The following VWA3A variants were observed in gnomAD, a reference collection of about 807,000 sequenced individuals.
VWA3A encodes the protein von Willebrand factor A domain-containing protein 3A.
VWA3A carries 134 observed loss-of-function variants against 160.4 expected under a neutral mutation model. That is an observed-to-expected ratio of 0.84 (90% CI 0.73 to 0.96). The LOEUF is 0.96. Ranked by LOEUF, VWA3A falls within the 40% of genes least tolerant of loss-of-function variation. The pLI is 0.00. For missense variants in VWA3A, 1,310 were observed against 1,447.9 expected (o/e 0.90, Z 1.55); for synonymous variants, 476 against 543.4 (o/e 0.88, Z 1.72).
At chr16:22,115,646 A>G (rs2045618409) in intron 9 of VWA3A, among the ~76,000 whole-genome samples, 174 bp downstream of exon 9, 1 of 151,120 alleles carries the variant, frequency 6.6e-6, no homozygotes, top group Non-Finnish European at 1.5e-5. Flanking sequence ...AGTCTGGGCA[A>G]CACAGTGAGA....
At chr16:22,144,517 C>T in intron 26 of VWA3A, 133 bp downstream of exon 26, 7 of 1,311,948 alleles carry the variant, frequency 5.3e-6, no homozygotes, top group Non-Finnish European at 7.2e-6. Context: ...TGGGACTCCC[C>T]TCACCAAATA....
In VWA3A at chr16:22,142,660, T is replaced by C; in HGVS notation, c.2495-8T>C. The C allele has an allele frequency of 5.1e-6, 8 of 1,557,172 alleles. No individual in the cohort carries two copies. Among genetic ancestry groups the C allele is most frequent in the Non-Finnish European group, 7.0e-6 (8 of 1,149,190 alleles). On this transcript the variant is annotated splice_region_variant and splice_polypyrimidine_tract_variant and intron_variant, in intron 24 of 33. Transcript: ENST00000389398. ...ACTATAGCAATGACCTCACTCTGCT[T>C]CTTCTAGGCTCAGTGTACAAGAAGT...
intron 21 of VWA3A, among the ~76,000 whole-genome samples, chr16:22,135,602 C>T (rs2046025781): frequency 6.6e-6 from 1 of 151,982 alleles, no homozygotes; most frequent in Non-Finnish European, 1.5e-5. Context: ...TGAGTGTCTC[C>T]TAGAAGCCAT....
chr16:22,151,578 A>G (rs1658712627), intron 30 of VWA3A, among the ~76,000 whole-genome samples: 1 of 152,140 alleles, frequency 6.6e-6, no homozygotes, highest in Non-Finnish European at 1.5e-5. Context: ...ATCACTATAG[A>G]CCATGTGCTA....
At chr16:22,110,702 C>A (rs984104700) in intron 7 of VWA3A, among the ~76,000 whole-genome samples, 186 bp from the exon 8 acceptor site, 1 of 152,228 alleles carries the variant, frequency 6.6e-6, no homozygotes, top group African/African-American at 2.4e-5. Flanking sequence ...GCTCATCCCA[C>A]CCACAGGAGG....
At chr16:22,124,061 G>A (rs1295961194) in intron 16 of VWA3A, among the ~76,000 whole-genome samples, 1 of 151,866 alleles carries the variant, frequency 6.6e-6, no homozygotes. Flanking sequence ...TGTAGTCCCA[G>A]CCACTTAGGA....
At chr16:22,127,821 G>A (rs2045877601) in intron 17 of VWA3A, among the ~76,000 whole-genome samples, 2 of 152,204 alleles carry the variant, frequency 1.3e-5, no homozygotes, top group African/African-American at 2.4e-5. Context: ...GGATGTTAAG[G>A]AGTGCTGTTA....
At position 22,131,188 on chromosome 16, in the gene VWA3A, C is replaced by A. The variant is rs1040266536; in HGVS notation, c.1653-17C>A. On this transcript the variant is annotated splice_polypyrimidine_tract_variant and intron_variant, in intron 17 of 33. Transcript: ENST00000389398. Reference sequence around the variant, plus strand: ...ACCTCCCCCAGCCTAAGAACGAACTCTCTTTGCTTCTTAAAGGTTTGGAAG... The same window carrying A: ...ACCTCCCCCAGCCTAAGAACGAACTATCTTTGCTTCTTAAAGGTTTGGAAG... The A allele has an allele frequency of 2.5e-6, 4 of 1,612,958 alleles. No individual in the cohort carries two copies. Among genetic ancestry groups the A allele is most frequent in the Non-Finnish European group, 3.4e-6 (4 of 1,179,444 alleles).
intron 21 of VWA3A, among the ~76,000 whole-genome samples, chr16:22,135,805 T>A (rs373615800): frequency 1.3e-5 from 2 of 152,162 alleles, no homozygotes; most frequent in African/African-American, 4.8e-5. Flanking sequence ...TGGGGGTTTT[T>A]TTGAGACAGA....
At chr16:22,142,569 C>A (rs1305294100) in intron 24 of VWA3A, 99 bp from the exon 25 acceptor site, 1 of 856,656 alleles carries the variant, frequency 1.2e-6, no homozygotes, top group Non-Finnish European at 1.9e-6. Context: ...AAACACCTCC[C>A]ATTAAGCCCC....
rs548905049 is a variant in VWA3A at position 22,121,030 on chromosome 16, C to T, written c.1179C>T (p.Asp393=). The part of the protein sequence containing the change: ...ISLLPKPPKH[D]APLTIEFPNL... Reference sequence around the variant, plus strand: ...TCTTGCCTAAACCCCCAAAGCATGACGCTCCTCTCACCATTGAGTTTCCAA... The same window carrying T: ...TCTTGCCTAAACCCCCAAAGCATGATGCTCCTCTCACCATTGAGTTTCCAA... Residue 393 remains aspartate (D), a synonymous_variant, in exon 13 of 34, where the codon GAC becomes GAT. Transcript: ENST00000389398. 37 of 1,613,988 alleles carry T rather than the reference C, an allele frequency of 2.3e-5. No individual in the cohort carries two copies. The highest frequency in any genetic ancestry group is 1.6e-4 in the Middle Eastern group (1 of 6,062).
rs372720849 is a variant in VWA3A, at chr16:22,140,253, C to T, written c.2383+9C>T. On this transcript the variant is annotated intron_variant, in intron 23 of 33. Coordinates refer to ENST00000389398, the MANE Select transcript of VWA3A (RefSeq NM_173615.5). Reference sequence around the variant, plus strand: ...AGTTGGCATCTCACCAGGTAAGGCACCATCACGGTCAGGCAGGGTGGAGGG... The same window carrying T: ...AGTTGGCATCTCACCAGGTAAGGCATCATCACGGTCAGGCAGGGTGGAGGG... The T allele has an allele frequency of 6.2e-7, 1 of 1,612,740 alleles. No homozygotes were observed. Among genetic ancestry groups the T allele is most frequent in the Non-Finnish European group, 8.5e-7 (1 of 1,179,214 alleles).
At position 22,121,498 on chromosome 16, in the gene VWA3A, C is replaced by T; in HGVS notation, c.1253-16C>T. 6.9e-6 allele frequency: 11 copies of T among 1,602,456 alleles called. No individual in the cohort carries two copies. The highest frequency in any genetic ancestry group is 9.4e-6 in the Non-Finnish European group (11 of 1,170,526). ...GCTTCTCAGGCAGTGCCTCCAACCT[C>T]ACACTTTTTTTTCAGCCAAGAAATT... On this transcript the variant is annotated splice_polypyrimidine_tract_variant and intron_variant, in intron 13 of 33. Transcript: ENST00000389398.
chr16:22,131,621 C>T lies in VWA3A; in HGVS notation c.1764C>T (p.Asn588=), dbSNP rs377674494. ...ALNLRCRGSR[N]VLSALRKAVE... is the part of the protein sequence containing the mutation. ...ACCTGCGGTGTCGGGGCAGCAGGAA[C>T]GTTCTCAGCGCCCTGCGGAAGGCTG... Residue 588 remains asparagine, a synonymous_variant, in exon 19 of 34, where the codon AAC becomes AAT. Transcript: ENST00000389398. 1.2e-5 allele frequency: 20 copies of T among 1,613,668 alleles called. No individual in the cohort carries two copies. The highest frequency in any genetic ancestry group is 2.7e-5 in the African/African-American group (2 of 74,926).
intron 18 of VWA3A, 115 bp downstream of exon 18, chr16:22,131,394 C>T: frequency 7.0e-7 from 1 of 1,428,472 alleles, no homozygotes; most frequent in Non-Finnish European, 9.6e-7. Flanking sequence ...TGACCCCAAA[C>T]AGCCATGGGC....
intron 5 of VWA3A, 97 bp from the exon 6 acceptor site, chr16:22,103,378 A>G: frequency 8.3e-7 from 1 of 1,206,190 alleles, no homozygotes; most frequent in East Asian, 2.6e-5. Context: ...ATTAAAAAAA[A>G]AAACAATTAT....
intron 21 of VWA3A, among the ~76,000 whole-genome samples, chr16:22,136,918 C>CAT (rs3047071): frequency 4.6e-5 from 7 of 150,730 alleles, no homozygotes; most frequent in East Asian, 2.0e-4. Context: ...CACACACACA[C>CAT]GCAAAATTAG....
At chr16:22,155,108 C>G (rs1288416793) in intron 31 of VWA3A, among the ~76,000 whole-genome samples, 1 of 151,532 alleles carries the variant, frequency 6.6e-6, no homozygotes, top group Non-Finnish European at 1.5e-5. Flanking sequence ...GAGCCGTGAT[C>G]ACGCCACTGC....
At chr16:22,148,079 TTG>T in intron 27 of VWA3A, 81 bp from the exon 28 acceptor site, 1 of 1,458,222 alleles carries the variant, frequency 6.9e-7, no homozygotes, top group Non-Finnish European at 9.1e-7. Flanking sequence ...GACTTTATAC[TTG>T]ATAGATAGAG....
Sources: gnomAD v4.1 joint callset for allele counts (sites outside exome capture counted in the v4.1 genomes callset) on GRCh38, gnomAD v4.1.1 for gene constraint, MANE v1.5 for transcripts, NCBI Gene and HGNC (gene_info 2026-07-23, HGNC 2026-07-21) for gene names.